The following METAP1D variants were observed in gnomAD, a reference collection of about 807,000 sequenced individuals.
The protein encoded by METAP1D is methionine aminopeptidase 1D, mitochondrial.
Under a neutral mutation model 40.5 loss-of-function variants are expected in METAP1D, and 31 were observed. The ratio of observed to expected loss-of-function variants is 0.77; its 90% CI spans 0.58 to 1.03. METAP1D has a LOEUF of 1.03. METAP1D is among the 50% of genes least tolerant of loss of function. The pLI, the probability that METAP1D is intolerant of heterozygous loss-of-function variation, is 0.00. For missense variants in METAP1D, 411 were observed against 420.7 expected, an observed-to-expected ratio of 0.98 and a Z score of 0.20; for synonymous variants, 151 against 146.4, an observed-to-expected ratio of 1.03 and a Z score of -0.22.
intron 1 of METAP1D, among the ~76,000 whole-genome samples, chr2:172,042,108 T>C (rs1469837151): frequency 8.0e-6 from 1 of 124,754 alleles, no homozygotes; most frequent in African/African-American, 2.7e-5. Flanking sequence ...GCCAGAAATA[T>C]ATATTTTTTC....
At chr2:172,058,594 G>T (rs1035822024) in intron 1 of METAP1D, among the ~76,000 whole-genome samples, 2 of 151,902 alleles carry the variant, frequency 1.3e-5, no homozygotes, top group African/African-American at 4.8e-5. Flanking sequence ...TGCCCAAGCT[G>T]GTCTCAGACT....
chr2:172,069,380 G>A (rs1050258393), intron 5 of METAP1D, among the ~76,000 whole-genome samples: 30 of 152,068 alleles, frequency 2.0e-4, no homozygotes, highest in African/African-American at 6.0e-4. Context: ...GAATGAAATC[G>A]TATTTTGTAT....
Position 172,010,379 on chromosome 2 carries a change from T to C in METAP1D, c.40+10370T>C, listed in dbSNP as rs906333229. ...CTGGCTTTGAACTCTTGAGCTCAAG[T>C]GATTGGTCAGCCCACCTTGGCCTCC... On this transcript the variant is annotated intron_variant, in intron 1 of 9. Transcript: ENST00000315796. 3.8e-4 allele frequency among the ~76,000 whole-genome samples: 57 copies of C among 149,684 alleles called. 1 individual carries two copies. Among genetic ancestry groups the C allele is most frequent in the Non-Finnish European group, 1.0e-4 (7 of 67,680 alleles).
intron 6 of METAP1D, among the ~76,000 whole-genome samples, chr2:172,077,008 T>C (rs188744117): frequency 6.6e-6 from 1 of 152,342 alleles, no homozygotes; most frequent in Admixed American, 6.5e-5. Context: ...GTGTGCTTGG[T>C]TTCAGATGGA....
At chr2:172,017,021 T>C (rs1007721601) in intron 1 of METAP1D, among the ~76,000 whole-genome samples, 1 of 152,136 alleles carries the variant, frequency 6.6e-6, no homozygotes, top group African/African-American at 2.4e-5. Context: ...TATTCTGTCA[T>C]TGTGGTCTAT....
chr2:172,042,734 TGTGTGTGTGTATATGTACACATATAC>T lies in METAP1D; in HGVS notation c.41-18727_41-18702del, dbSNP rs1465200399. ...GTGTGTATATGTGTACACATATACGTGTGTGTGTGTATATGTACACATATACGTGTGTGTGTATATGTACACATATA... is the reference window on the plus strand; with the variant it reads ...GTGTGTATATGTGTACACATATACGTGTGTGTGTGTATATGTACACATATA... On this transcript the variant is annotated intron_variant, in intron 1 of 9. Transcript: ENST00000315796. Among the ~76,000 whole-genome samples, 27 of 7,948 alleles carry T rather than the reference TGTGTGTGTGTATATGTACACATATAC, an allele frequency of 3.4e-3. 9 individuals carry two copies. The highest frequency in any genetic ancestry group is 0.056 in the East Asian group (1 of 18). The allele number at this position is 7,948 out of a possible 152,430, so 5.2% of individuals were successfully genotyped here. A position where few individuals can be genotyped will look rare whatever the true frequency, so the allele number is the denominator to read the frequency against.
At chr2:172,010,626 G>T (rs1018492843) in intron 1 of METAP1D, among the ~76,000 whole-genome samples, 1 of 151,346 alleles carries the variant, frequency 6.6e-6, no homozygotes, top group Non-Finnish European at 1.5e-5. Flanking sequence ...CCGAGTGGCT[G>T]AGATTGTAGG....
At chr2:172,064,503 C>G (rs186328569) in intron 3 of METAP1D, 1 of 152,038 alleles carries the variant, frequency 6.6e-6, no homozygotes, top group Non-Finnish European at 1.5e-5. Context: ...ACCTGTAGTC[C>G]CAGCTACTTG....
chr2:172,026,861 G>A (rs1689129923), intron 1 of METAP1D, among the ~76,000 whole-genome samples: 1 of 152,144 alleles, frequency 6.6e-6, no homozygotes, highest in African/African-American at 2.4e-5. Context: ...CCTATCCAGA[G>A]GGAAGGGGAT....
At chr2:172,025,033 C>A (rs1689094297) in intron 1 of METAP1D, among the ~76,000 whole-genome samples, 1 of 152,064 alleles carries the variant, frequency 6.6e-6, no homozygotes, top group South Asian at 2.1e-4. Context: ...GAGAATAAAG[C>A]CTGACACAAA....
At chr2:172,079,298 T>G (rs769622231) in intron 8 of METAP1D, 36 bp downstream of exon 8, 52 of 1,610,702 alleles carry the variant, frequency 3.2e-5, no homozygotes, top group Non-Finnish European at 4.1e-5. Context: ...AGTGCGTAGC[T>G]CCTGGTGGAA....
At position 172,000,014 on chromosome 2, in the gene METAP1D, G is replaced by A. The variant is rs947225751; in HGVS notation, c.40+5G>A. ...TCCACCTGCTCGTCCGCAGAGGTAA[G>A]CGCGTGGAGGAGAGCCCCGTGAGGG... is the stretch of plus-strand genomic sequence containing the variant. On this transcript the variant is annotated splice_donor_5th_base_variant and intron_variant, in intron 1 of 9. Coordinates refer to ENST00000315796, the MANE Select transcript of METAP1D (RefSeq NM_199227.3). The A allele has an allele frequency of 1.1e-5, 15 of 1,332,212 alleles. No homozygotes were observed. Among genetic ancestry groups the A allele is most frequent in the South Asian group, 2.0e-5 (1 of 51,002 alleles). The allele number at this position is 1,332,212 out of a possible 1,614,324, so 82.5% of individuals were successfully genotyped here. A position where few individuals can be genotyped will look rare whatever the true frequency, so the allele number is the denominator to read the frequency against.
intron 5 of METAP1D, among the ~76,000 whole-genome samples, chr2:172,067,165 A>G (rs1281775724): frequency 1.3e-5 from 2 of 152,238 alleles, no homozygotes; most frequent in Non-Finnish European, 2.9e-5. Context: ...CTAATGATTA[A>G]CAAATACATT....
intron 1 of METAP1D, among the ~76,000 whole-genome samples, chr2:172,007,330 T>C (rs2105373548): frequency 6.6e-6 from 1 of 152,048 alleles, no homozygotes; most frequent in African/African-American, 2.4e-5. Context: ...CCACCATGTC[T>C]GGCTAATCAT....
chr2:172,016,297 AAAAATATATAT>A (rs1371136021), intron 1 of METAP1D, among the ~76,000 whole-genome samples: 2 of 74,016 alleles, frequency 2.7e-5, no homozygotes, highest in African/African-American at 3.9e-5. Flanking sequence ...AAAAAAAAAA[AAAAATATATAT>A]ATATATATAT....
chr2:172,000,004 G>T lies in METAP1D; in HGVS notation c.35G>T (p.Arg12Leu). 2.2e-6 allele frequency: 3 copies of T among 1,338,562 alleles called. No homozygotes were observed. Among genetic ancestry groups the T allele is most frequent in the South Asian group, 1.9e-5 (1 of 52,006 alleles). The allele number at this position is 1,338,562 out of a possible 1,614,324, so 82.9% of individuals were successfully genotyped here. A position where few individuals can be genotyped will look rare whatever the true frequency, so the allele number is the denominator to read the frequency against. ...AAPSGVHLLV[R>L]RGSHRIFSSP... ...CCCAGTGGCGTCCACCTGCTCGTCCGCAGAGGTAAGCGCGTGGAGGAGAGC... is the reference window on the plus strand; with the variant it reads ...CCCAGTGGCGTCCACCTGCTCGTCCTCAGAGGTAAGCGCGTGGAGGAGAGC... Residue 12 changes from arginine to leucine, a missense_variant, in exon 1 of 10, where the codon CGC (arginine) becomes CTC (leucine). Coordinates refer to ENST00000315796, the MANE Select transcript of METAP1D (RefSeq NM_199227.3).
chr2:172,043,042 C>T (rs1222842636), intron 1 of METAP1D, among the ~76,000 whole-genome samples: 2 of 114,664 alleles, frequency 1.7e-5, no homozygotes, highest in Middle Eastern at 5.6e-3. Context: ...TATGTGTACA[C>T]GTGTACACAT....
chr2:172,057,419 T>C (rs1007730359), intron 1 of METAP1D, among the ~76,000 whole-genome samples: 18 of 152,180 alleles, frequency 1.2e-4, no homozygotes, highest in African/African-American at 4.1e-4. Context: ...GAATCATAGA[T>C]TGAGTCCACC....
chr2:172,063,606 G>A (rs1045719235), intron 2 of METAP1D, 105 bp from the exon 3 acceptor site: 36 of 881,360 alleles, frequency 4.1e-5, no homozygotes, highest in African/African-American at 8.5e-5. Context: ...TCGGTGCTCC[G>A]GCAGGAAGGG....
Sources: gnomAD v4.1 joint callset for allele counts (sites outside exome capture counted in the v4.1 genomes callset) on GRCh38, gnomAD v4.1.1 for gene constraint, MANE v1.5 for transcripts, NCBI Gene and HGNC (gene_info 2026-07-23, HGNC 2026-07-21) for gene names.